Variants in CNOT4 observed in about 807,000 individuals in gnomAD.
The protein encoded by CNOT4 is CCR4-associated factor 4.
Under a neutral mutation model 73.8 loss-of-function variants are expected in CNOT4, and 8 were observed. The observed-to-expected ratio is 0.11, with a 90% CI of 0.06 to 0.20. The LOEUF (loss-of-function observed/expected upper bound fraction) is 0.20. CNOT4 is among the 10% of genes least tolerant of loss of function. The probability of loss-of-function intolerance (pLI) is 1.00; values close to 1 mark genes in which losing one functional copy is unlikely to be tolerated. For synonymous variants in CNOT4, 293 were observed against 321.1 expected (o/e 0.91, Z 0.94); for missense variants, 564 against 883.4 (o/e 0.64, Z 4.58).
intron 1 of CNOT4, among the ~76,000 whole-genome samples, chr7:135,498,468 G>T (rs2129488043): frequency 1.3e-5 from 2 of 152,258 alleles, no homozygotes; most frequent in South Asian, 4.1e-4. Context: ...TTGTTAGCAT[G>T]CATATATTAA....
chr7:135,436,082 A>G (rs150098102), intron 2 of CNOT4, among the ~76,000 whole-genome samples: 1 of 151,772 alleles, frequency 6.6e-6, no homozygotes, highest in East Asian at 1.9e-4. Context: ...ATTGATTCCA[A>G]TGTCCTTCTT....
intron 10 of CNOT4, among the ~76,000 whole-genome samples, chr7:135,392,141 G>A (rs756649295): frequency 6.6e-6 from 1 of 152,098 alleles, no homozygotes; most frequent in East Asian, 1.9e-4. Flanking sequence ...TGATAGTAGG[G>A]ATCAATTCCT....
intron 1 of CNOT4, among the ~76,000 whole-genome samples, chr7:135,455,928 A>G (rs1303693556): frequency 6.6e-6 from 1 of 152,222 alleles, no homozygotes. Flanking sequence ...AGAACAGAAT[A>G]TTTTGTTTAC....
intron 1 of CNOT4, among the ~76,000 whole-genome samples, chr7:135,449,501 G>A (rs1320136896): frequency 6.6e-6 from 1 of 152,076 alleles, no homozygotes; most frequent in Non-Finnish European, 1.5e-5. Context: ...CCCACATCCA[G>A]ATACAAAGTA....
At chr7:135,455,113 GAGAA>G (rs1172509498) in intron 1 of CNOT4, among the ~76,000 whole-genome samples, 6 of 151,826 alleles carry the variant, frequency 4.0e-5, no homozygotes, top group Non-Finnish European at 7.4e-5. Context: ...AGGACAGGAA[GAGAA>G]AGAAAGAATA....
intron 7 of CNOT4, among the ~76,000 whole-genome samples, 157 bp downstream of exon 7, chr7:135,410,358 C>T (rs1394103209): frequency 6.6e-6 from 1 of 152,012 alleles, no homozygotes; most frequent in Non-Finnish European, 1.5e-5. Flanking sequence ...GCATTCAAAC[C>T]CAGAAATTGT....
chr7:135,437,291 G>C (rs10238568), intron 2 of CNOT4, among the ~76,000 whole-genome samples: 11,277 of 152,066 alleles, frequency 0.074, 499 homozygotes, highest in Middle Eastern at 0.13. Context: ...CCGGGTTCAC[G>C]CCATTCTCCT....
At chr7:135,509,063 T>C (rs1370536678) in intron 1 of CNOT4, 1 of 152,226 alleles carries the variant, frequency 6.6e-6, no homozygotes, top group Non-Finnish European at 1.5e-5. Context: ...CGTTTAATAG[T>C]ATCCTACCTC....
chr7:135,494,020 T>C (rs1803285830), intron 1 of CNOT4, among the ~76,000 whole-genome samples: 1 of 149,262 alleles, frequency 6.7e-6, no homozygotes, highest in Non-Finnish European at 1.5e-5. Flanking sequence ...TTTCCTCAGC[T>C]ATTAAACAAA....
chr7:135,396,552 T>C (rs1358607951), intron 8 of CNOT4, among the ~76,000 whole-genome samples: 1 of 152,214 alleles, frequency 6.6e-6, no homozygotes, highest in Admixed American at 6.5e-5. Context: ...TAGAAATACA[T>C]GGATTGGTGA....
intron 10 of CNOT4, among the ~76,000 whole-genome samples, chr7:135,379,811 A>T (rs1475158999): frequency 6.6e-6 from 1 of 152,234 alleles, no homozygotes; most frequent in African/African-American, 2.4e-5. Context: ...AAAAATATAC[A>T]GTTGTCAGAC....
intron 10 of CNOT4, among the ~76,000 whole-genome samples, chr7:135,380,458 T>C (rs1795782937): frequency 6.6e-6 from 1 of 152,212 alleles, no homozygotes; most frequent in Non-Finnish European, 1.5e-5. Context: ...GTTACAATTT[T>C]TTCCCCTGCT....
At chr7:135,407,379 A>G (rs1797351389) in intron 7 of CNOT4, among the ~76,000 whole-genome samples, 1 of 152,238 alleles carries the variant, frequency 6.6e-6, no homozygotes, top group South Asian at 2.1e-4. Context: ...AATCTAAAGG[A>G]AAAAAGTCTC....
chr7:135,437,092 C>T (rs1262684204), intron 2 of CNOT4, among the ~76,000 whole-genome samples: 1 of 152,216 alleles, frequency 6.6e-6, no homozygotes, highest in African/African-American at 2.4e-5. Flanking sequence ...AGTTAATTCA[C>T]TATACTGTAA....
intron 1 of CNOT4, among the ~76,000 whole-genome samples, chr7:135,479,159 C>T (rs1802192823): frequency 6.7e-6 from 1 of 149,918 alleles, no homozygotes; most frequent in African/African-American, 2.5e-5. Flanking sequence ...TTAAAAGTTG[C>T]ACCAATCTTA....
intron 1 of CNOT4, among the ~76,000 whole-genome samples, chr7:135,440,546 C>T (rs918185081): frequency 6.6e-6 from 1 of 152,100 alleles, no homozygotes; most frequent in Non-Finnish European, 1.5e-5. Context: ...CTTATACCAC[C>T]TCCTAACTAA....
At chr7:135,405,898 T>C (rs548049908) in intron 7 of CNOT4, among the ~76,000 whole-genome samples, 1 of 152,304 alleles carries the variant, frequency 6.6e-6, no homozygotes, top group South Asian at 2.1e-4. Context: ...CTTTGCTTTC[T>C]TGCAATTCTT....
At chr7:135,427,726 C>G (rs1416414961) in intron 2 of CNOT4, among the ~76,000 whole-genome samples, 3 of 152,078 alleles carry the variant, frequency 2.0e-5, no homozygotes, top group Non-Finnish European at 2.9e-5. Flanking sequence ...GCTAATTAAC[C>G]CTTTTACTAA....
intron 1 of CNOT4, among the ~76,000 whole-genome samples, chr7:135,452,160 G>C (rs1461793410): frequency 6.6e-6 from 1 of 152,002 alleles, no homozygotes; most frequent in East Asian, 1.9e-4. Flanking sequence ...GATCGCTTGA[G>C]CCCAGGAGTT....
Sources: allele counts gnomAD v4.1 joint callset (sites outside exome capture counted in the v4.1 genomes callset), GRCh38; gene constraint gnomAD v4.1.1; transcripts MANE v1.5; gene names NCBI Gene and HGNC (gene_info 2026-07-23, HGNC 2026-07-21).